CRPPA: variants seen among roughly 807,000 people sequenced by gnomAD.
CRPPA encodes the protein D-ribitol-5-phosphate cytidylyltransferase.
Under a neutral mutation model 52.0 loss-of-function variants are expected in CRPPA, and 43 were observed. The ratio of observed to expected loss-of-function variants is 0.83; its 90% confidence interval spans 0.65 to 1.07. CRPPA has a LOEUF of 1.07. CRPPA is among the 50% of genes least tolerant of loss of function. CRPPA has a pLI of 0.00. For synonymous variants in CRPPA, 250 were observed against 203.5 expected (o/e 1.23, Z -1.94); for missense variants, 629 against 551.7 (o/e 1.14, Z -1.40).
chr7:16,361,569 T>C (rs1395327601), intron 3 of CRPPA, among the ~76,000 whole-genome samples: 1 of 152,138 alleles, frequency 6.6e-6, no homozygotes, highest in Admixed American at 6.5e-5. Flanking sequence ...CCAACACAGA[T>C]GAACCTTAAA....
intron 9 of CRPPA, among the ~76,000 whole-genome samples, chr7:16,098,806 G>A (rs1189273260): frequency 6.6e-6 from 1 of 152,180 alleles, no homozygotes; most frequent in African/African-American, 2.4e-5. Flanking sequence ...TAACTTTTCA[G>A]TGTATGTCAA....
intron 3 of CRPPA, among the ~76,000 whole-genome samples, chr7:16,355,316 CTT>C (rs929312860): frequency 4.0e-4 from 61 of 152,168 alleles, no homozygotes; most frequent in African/African-American, 1.4e-3. Context: ...AAGAATATCT[CTT>C]TAAAAGCAAC....
At chr7:16,186,885 C>T (rs1781514915) in intron 9 of CRPPA, among the ~76,000 whole-genome samples, 3 of 152,118 alleles carry the variant, frequency 2.0e-5, no homozygotes, top group Admixed American at 6.5e-5. Flanking sequence ...GGATTCAATG[C>T]ATTCAACGTT....
At chr7:16,311,593 C>A (rs1785035777) in intron 3 of CRPPA, among the ~76,000 whole-genome samples, 1 of 152,034 alleles carries the variant, frequency 6.6e-6, no homozygotes, top group Non-Finnish European at 1.5e-5. Flanking sequence ...TATGTTGGTT[C>A]CAGTTTTGGC....
intron 3 of CRPPA, among the ~76,000 whole-genome samples, chr7:16,341,933 C>T (rs922925522): frequency 6.6e-6 from 1 of 151,978 alleles, no homozygotes; most frequent in African/African-American, 2.4e-5. Flanking sequence ...CATTTCTTCC[C>T]TCCTTCCCTC....
In CRPPA at chr7:16,268,100, T is replaced by C. The variant is rs75137988; in HGVS notation, c.934-9088A>G. 6.9e-3 allele frequency among the ~76,000 whole-genome samples: 1,047 copies of C among 152,188 alleles called. 12 individuals are homozygous for C. The highest frequency in any genetic ancestry group is 0.024 in the African/African-American group (991 of 41,528). On this transcript the variant is annotated intron_variant, in intron 6 of 9. Transcript: ENST00000407010. ...AGTATAATTGCAGCCTGTTTCCATA[T>C]TAAAATCATGTGATGAGAAAATGAC...
chr7:16,087,688 C>A lies in CRPPA; in HGVS notation c.*4007G>T, dbSNP rs974097804. ...TATATAAATGCAACTATAATGCCAA[C>A]CACCACCTACACAGCTACTTCTAGT... On this transcript the variant is annotated 3_prime_UTR_variant, in exon 10 of 10. Coordinates refer to ENST00000407010, the MANE Select transcript of CRPPA (RefSeq NM_001101426.4). The A allele has an allele frequency of 6.6e-6, 1 of 152,104 alleles. No homozygotes were observed. Among genetic ancestry groups the A allele is most frequent in the Non-Finnish European group, 1.5e-5 (1 of 67,992 alleles). 9.4% of individuals were successfully genotyped at this position (152,104 alleles called of 1,614,324 possible). A position where few individuals can be genotyped will look rare whatever the true frequency, so the allele number is the denominator to read the frequency against.
chr7:16,344,220 G>GA (rs1349016485), intron 3 of CRPPA, among the ~76,000 whole-genome samples: 1 of 151,886 alleles, frequency 6.6e-6, no homozygotes, highest in Non-Finnish European at 1.5e-5. Context: ...ATAGAGGAGG[G>GA]AAAAGCAGTC....
rs949664440 is a variant in CRPPA at position 16,421,331 on chromosome 7, G to A, written c.-9C>T. 2.4e-5 allele frequency: 30 copies of A among 1,244,324 alleles called. No homozygotes were observed. The highest frequency in any genetic ancestry group is 2.8e-5 in the Non-Finnish European group (28 of 992,002). 77.1% of individuals were successfully genotyped at this position (1,244,324 alleles called of 1,614,324 possible). ...GGCGGCCCGGCCTCCATGGCTGCGGGCGGAACGGCGAGCCCCGCTAGCCTC... is the reference window on the plus strand; with the variant it reads ...GGCGGCCCGGCCTCCATGGCTGCGGACGGAACGGCGAGCCCCGCTAGCCTC... On this transcript the variant is annotated 5_prime_UTR_variant, in exon 1 of 10. Transcript: ENST00000407010.
chr7:16,234,495 A>C (rs6974124), intron 8 of CRPPA, among the ~76,000 whole-genome samples: 52,705 of 151,998 alleles, frequency 0.35, 9,989 homozygotes, highest in Admixed American at 0.45. Context: ...TTCTACTAAA[A>C]AGATCAAGAT....
chr7:16,169,008 T>A (rs1446570193), intron 9 of CRPPA, among the ~76,000 whole-genome samples: 4 of 152,146 alleles, frequency 2.6e-5, no homozygotes, highest in Non-Finnish European at 5.9e-5. Flanking sequence ...GGAAATTTTG[T>A]TAGGAAAGTT....
intron 9 of CRPPA, among the ~76,000 whole-genome samples, chr7:16,094,013 A>T (rs2128361739): frequency 6.6e-6 from 1 of 152,316 alleles, no homozygotes; most frequent in Middle Eastern, 3.4e-3. Context: ...ACAAATGAAG[A>T]AATTAAGGAA....
chr7:16,352,252 C>T lies in CRPPA; in HGVS notation c.684+23840G>A, dbSNP rs191809722. ...CACAGGGGAGGGGAACATGACACAC[C>T]ATGGCCTGTTGGAGGGGTGGGGAGC... On this transcript the variant is annotated intron_variant, in intron 3 of 9. Transcript: ENST00000407010. 3.3e-5 allele frequency among the ~76,000 whole-genome samples: 5 copies of T among 151,530 alleles called. No homozygotes were observed. The East Asian group carries it at 7.8e-4, about 24-fold the overall frequency.
At chr7:16,199,854 C>CTTTTTTTTTTTTTTTTTTTTTTTTTTTT (rs68003825) in intron 9 of CRPPA, among the ~76,000 whole-genome samples, 2 of 120,114 alleles carry the variant, frequency 1.7e-5, no homozygotes, top group African/African-American at 3.2e-5. Flanking sequence ...TAAGCTTTTT[C>CTTTTTTTTTTTTTTTTTTTTTTTTTTTT]TTTTTTTTTT....
chr7:16,095,376 T>C (rs1487104631), intron 9 of CRPPA, among the ~76,000 whole-genome samples: 3 of 150,854 alleles, frequency 2.0e-5, no homozygotes, highest in African/African-American at 7.4e-5. Flanking sequence ...CTCTCCATTT[T>C]TTTCATCTAA....
intron 5 of CRPPA, among the ~76,000 whole-genome samples, chr7:16,286,032 AAAAAAAATATAAATAT>A (rs1784422503): frequency 3.7e-5 from 1 of 27,216 alleles, no homozygotes; most frequent in Non-Finnish European, 6.9e-5. Flanking sequence ...AAAAAAAAAA[AAAAAAAATATAAATAT>A]ATATATATAT....
intron 4 of CRPPA, among the ~76,000 whole-genome samples, chr7:16,302,907 C>T (rs1175746958): frequency 1.3e-5 from 2 of 151,518 alleles, no homozygotes; most frequent in African/African-American, 4.9e-5. Context: ...GCTAACAGAA[C>T]GAAAGGAACT....
At chr7:16,091,890 G>C (rs748692638) in intron 9 of CRPPA, 91 bp from the exon 10 acceptor site, 2 of 695,416 alleles carry the variant, frequency 2.9e-6, no homozygotes, top group East Asian at 3.2e-5. Flanking sequence ...GATCTGCTGC[G>C]GTCTGGATTT....
intron 9 of CRPPA, among the ~76,000 whole-genome samples, chr7:16,185,817 A>C (rs1302813822): frequency 6.6e-6 from 1 of 152,202 alleles, no homozygotes; most frequent in Non-Finnish European, 1.5e-5. Flanking sequence ...AAGGGAAAAA[A>C]GTGGCAGTCA....
Sources: gnomAD v4.1 joint callset for allele counts (sites outside exome capture counted in the v4.1 genomes callset) on GRCh38, gnomAD v4.1.1 for gene constraint, MANE v1.5 for transcripts, NCBI Gene and HGNC (gene_info 2026-07-23, HGNC 2026-07-21) for gene names.